ZNF250: variants seen among roughly 807,000 people sequenced by gnomAD.
ZNF250 encodes zinc finger protein 250.
Under a neutral mutation model 37.1 loss-of-function variants are expected in ZNF250, and 13 were observed. That is an observed-to-expected ratio of 0.35 (90% confidence interval 0.23 to 0.56). The LOEUF is 0.56. ZNF250 is among the 20% of genes least tolerant of loss of function. ZNF250 has a pLI of 0.87. For synonymous variants in ZNF250, 251 were observed against 265.6 expected (o/e 0.94, Z 0.54); for missense variants, 474 against 697.9 (o/e 0.68, Z 3.61).
chr8:144,899,278 A>G (rs1433632159), intron 1 of ZNF250, among the ~76,000 whole-genome samples: 1 of 152,202 alleles, frequency 6.6e-6, no homozygotes, highest in African/African-American at 2.4e-5. Context: ...TAATGACTAC[A>G]AACATACAGT....
At chr8:144,885,863 C>T (rs1393022972) in intron 5 of ZNF250, among the ~76,000 whole-genome samples, 1 of 151,930 alleles carries the variant, frequency 6.6e-6, no homozygotes, top group Non-Finnish European at 1.5e-5. Context: ...CCCAGCACTT[C>T]GGGAGGGCAA....
In ZNF250 at chr8:144,890,172, AG is replaced by A. The variant is rs1439827408; in HGVS notation, c.43-114del. 6.5e-7 allele frequency: 1 copy of A among 1,533,026 alleles called. No homozygotes were observed. The highest frequency in any genetic ancestry group is 1.2e-5 in the South Asian group (1 of 84,282). The allele number at this position is 1,533,026 out of a possible 1,614,324, so 95.0% of individuals were successfully genotyped here. A position where few individuals can be genotyped will look rare whatever the true frequency, so the allele number is the denominator to read the frequency against. ...TGGCAGTGGGGGGCTCTGTGAGCTG[AG>A]GTGGGTGATGGGAAGGGGCCGCGGA... On this transcript the variant is annotated intron_variant, in intron 2 of 5. Coordinates refer to ENST00000417550, the MANE Select transcript of ZNF250 (RefSeq NM_001109689.4). The surrounding 1 kb of genome is among the most constrained non-coding windows in gnomAD (Gnocchi z 5.1).
At chr8:144,887,007 G>A (rs535439598) in intron 4 of ZNF250, 105 bp from the exon 5 acceptor site, 25 of 982,944 alleles carry the variant, frequency 2.5e-5, no homozygotes, top group Non-Finnish European at 3.7e-5. Flanking sequence ...AGCACTTTGG[G>A]AGGCCAAGGT....
In ZNF250 at chr8:144,890,625, G is replaced by A. The variant is rs980699714; in HGVS notation, c.-54-222C>T. On this transcript the variant is annotated intron_variant, in intron 1 of 5. Coordinates refer to ENST00000417550, the MANE Select transcript of ZNF250 (RefSeq NM_001109689.4). The surrounding 1 kb of genome is among the most constrained non-coding windows in gnomAD (Gnocchi z 5.1). ...CCAGGCCCTGAACACACAGTTCCTG[G>A]GCCTGCCCAGCTAGTACTGGGCTCT... Among the ~76,000 whole-genome samples the A allele has an allele frequency of 6.6e-6, 1 of 151,998 alleles. No individual in the cohort carries two copies. The highest frequency in any genetic ancestry group is 2.4e-5 in the African/African-American group (1 of 41,378).
rs34422407 is a variant in ZNF250 at position 144,886,095 on chromosome 8, T to TAA, written c.346+743_346+744dup. On this transcript the variant is annotated intron_variant, in intron 5 of 5. Transcript: ENST00000417550. Reference sequence around the variant, plus strand: ...CTGGGCAACAGAGTGAGAGCCTGTCTAAAAAAAAAAAAAAAAAGTTTCCTG... The same window carrying TAA: ...CTGGGCAACAGAGTGAGAGCCTGTCTAAAAAAAAAAAAAAAAAAAGTTTCCTG... Among the ~76,000 whole-genome samples the TAA allele has an allele frequency of 1.4e-4, 16 of 116,774 alleles. 1 individual carries two copies. Among genetic ancestry groups the TAA allele is most frequent in the East Asian group, 2.4e-4 (1 of 4,096 alleles). The allele number at this position is 116,774 out of a possible 152,430, so 76.6% of individuals were successfully genotyped here.
chr8:144,895,385 C>T (rs1438469785), intron 1 of ZNF250, among the ~76,000 whole-genome samples: 1 of 152,138 alleles, frequency 6.6e-6, no homozygotes, highest in African/African-American at 2.4e-5. Context: ...GGGACTGGTT[C>T]ACCTGCCTCA....
Position 144,879,329 on chromosome 8 carries a change from A to G in ZNF250, c.*2186T>C, listed in dbSNP as rs1161683421. ...CAGTTACCAGTTCCTCTCTGGAGTT[A>G]ATAATTCACTGTTGTCAGTGTCTGT... On this transcript the variant is annotated 3_prime_UTR_variant, in exon 6 of 6. Coordinates refer to ENST00000417550, the MANE Select transcript of ZNF250 (RefSeq NM_001109689.4). 1.3e-5 allele frequency: 2 copies of G among 152,264 alleles called. No homozygotes were observed. The highest frequency in any genetic ancestry group is 4.8e-5 in the African/African-American group (2 of 41,462). 9.4% of individuals were successfully genotyped at this position (152,264 alleles called of 1,614,324 possible). A position where few individuals can be genotyped will look rare whatever the true frequency, so the allele number is the denominator to read the frequency against.
rs146278348 is a variant in ZNF250 at position 144,890,759 on chromosome 8, C to T, written c.-54-356G>A. Among the ~76,000 whole-genome samples the T allele has an allele frequency of 3.3e-5, 5 of 152,282 alleles. No homozygotes were observed. Among genetic ancestry groups the T allele is most frequent in the African/African-American group, 1.2e-4 (5 of 41,568 alleles). ...CTCTGTGTGTTCTATACCTGAGGCC[C>T]TCACACAAGTACCAGACTGTCCGCA... On this transcript the variant is annotated intron_variant, in intron 1 of 5. Transcript: ENST00000417550. The surrounding 1 kb of genome is among the most constrained non-coding windows in gnomAD (Gnocchi z 5.1).
chr8:144,886,174 A>C (rs925577356), intron 5 of ZNF250, among the ~76,000 whole-genome samples: 2 of 151,824 alleles, frequency 1.3e-5, no homozygotes, highest in African/African-American at 4.8e-5. Context: ...AGATGTCTTT[A>C]ATAATAAAAA....
intron 1 of ZNF250, among the ~76,000 whole-genome samples, chr8:144,895,767 T>C (rs1003121204): frequency 6.6e-6 from 1 of 151,854 alleles, no homozygotes; most frequent in Non-Finnish European, 1.5e-5. Context: ...CCCAGCACTT[T>C]GGGAGGCCGA....
intron 4 of ZNF250, among the ~76,000 whole-genome samples, chr8:144,887,181 CAAG>C (rs1383848516): frequency 7.8e-6 from 1 of 128,240 alleles, no homozygotes; most frequent in African/African-American, 3.0e-5. Flanking sequence ...ACCCCGGAGA[CAAG>C]AAGTTGCAGT....
In ZNF250 at chr8:144,890,888, C is replaced by T. The variant is rs765062434; in HGVS notation, c.-54-485G>A. On this transcript the variant is annotated intron_variant, in intron 1 of 5. Coordinates refer to ENST00000417550, the MANE Select transcript of ZNF250 (RefSeq NM_001109689.4). This position sits in a 1 kb window ranked among gnomAD's most constrained non-coding sequence, Gnocchi z 5.1. ...GGTGACAATAAGACTCCCCTCACCC[C>T]ACCCTTAGGCAGCCCTAGTGCCCCA... 6.6e-6 allele frequency among the ~76,000 whole-genome samples: 1 copy of T among 152,166 alleles called. No homozygotes were observed. The highest frequency in any genetic ancestry group is 1.5e-5 in the Non-Finnish European group (1 of 68,022).
At chr8:144,885,222 C>T (rs11997814) in intron 5 of ZNF250, among the ~76,000 whole-genome samples, 1,587 of 152,010 alleles carry the variant, frequency 0.01, 21 homozygotes, top group African/African-American at 0.036. Flanking sequence ...CAGGTTCAAG[C>T]GATTCTCCTG....
At chr8:144,896,868 G>A (rs1480751429) in intron 1 of ZNF250, among the ~76,000 whole-genome samples, 1 of 152,172 alleles carries the variant, frequency 6.6e-6, no homozygotes, top group African/African-American at 2.4e-5. Flanking sequence ...CACCCACTCA[G>A]GGCACTGGCT....
At chr8:144,900,059 A>G (rs1346694662) in intron 1 of ZNF250, among the ~76,000 whole-genome samples, 1 of 152,260 alleles carries the variant, frequency 6.6e-6, no homozygotes, top group Non-Finnish European at 1.5e-5. Context: ...TGTTTTCAAC[A>G]TACATGGAAA....
At chr8:144,893,526 T>C (rs1832500746) in intron 1 of ZNF250, among the ~76,000 whole-genome samples, 1 of 152,132 alleles carries the variant, frequency 6.6e-6, no homozygotes, top group African/African-American at 2.4e-5. Context: ...GTACGGGGTT[T>C]CACCATGTTG....
chr8:144,896,674 G>C (rs564827936), intron 1 of ZNF250, among the ~76,000 whole-genome samples: 5 of 152,322 alleles, frequency 3.3e-5, no homozygotes, highest in African/African-American at 1.2e-4. Context: ...GGCAGGGAAG[G>C]AGGATGATGT....
At position 144,877,824 on chromosome 8, in the gene ZNF250, A is replaced by G. The variant is rs576080602; in HGVS notation, c.*3691T>C. On this transcript the variant is annotated 3_prime_UTR_variant, in exon 6 of 6. Coordinates refer to ENST00000417550, the MANE Select transcript of ZNF250 (RefSeq NM_001109689.4). ...TGAAAACCCTAGGTTATTGGAATCC[A>G]GAATAACTTGTACTGTGTAACTTAC... 1 of 152,384 alleles carries G rather than the reference A, an allele frequency of 6.6e-6. No homozygotes were observed. Among genetic ancestry groups the G allele is most frequent in the Middle Eastern group, 3.4e-3 (1 of 294 alleles). 9.4% of individuals were successfully genotyped at this position (152,384 alleles called of 1,614,324 possible).
At chr8:144,887,252 CAAAAAAAAA>C (rs56677445) in intron 4 of ZNF250, among the ~76,000 whole-genome samples, 18 of 63,078 alleles carry the variant, frequency 2.9e-4, no homozygotes, top group East Asian at 1.1e-3. Context: ...CTCCGTCTCT[CAAAAAAAAA>C]AAAAAAAAAA....
Sources: allele counts gnomAD v4.1 joint callset (sites outside exome capture counted in the v4.1 genomes callset), GRCh38; gene constraint gnomAD v4.1.1; non-coding constraint Gnocchi (gnomAD v3.1); transcripts MANE v1.5; gene names NCBI Gene and HGNC (gene_info 2026-07-23, HGNC 2026-07-21).